Variants in USP34 observed in about 807,000 individuals in gnomAD.
USP34 encodes the protein ubiquitin specific peptidase 34.
Under a neutral mutation model 460.3 loss-of-function variants are expected in USP34, and 70 were observed. That is an observed-to-expected ratio of 0.15 (90% CI 0.13 to 0.19). The LOEUF (loss-of-function observed/expected upper bound fraction) is 0.19, where lower values mean the gene tolerates loss of function less well. Among genes scored for constraint, USP34 ranks in the 10% least tolerant of loss-of-function variants. The pLI is 1.00. For missense variants in USP34, 3,985 were observed against 4,236.2 expected (o/e 0.94, Z 1.65); for synonymous variants, 1,647 against 1,405.3 (o/e 1.17, Z -3.85).
chr2:61,381,874 C>G (rs1386948857), intron 6 of USP34, among the ~76,000 whole-genome samples: 3 of 152,158 alleles, frequency 2.0e-5, no homozygotes, highest in Non-Finnish European at 4.4e-5. Context: ...ACAGGCCTCT[C>G]AAAGTCTTGT....
intron 2 of USP34, among the ~76,000 whole-genome samples, chr2:61,418,025 G>A (rs1333677828): frequency 6.6e-6 from 1 of 151,146 alleles, no homozygotes; most frequent in Non-Finnish European, 1.5e-5. Context: ...ACAGGCATGA[G>A]CCATTACCCT....
chr2:61,295,798 C>CAAGAT (rs1690008406), intron 30 of USP34, among the ~76,000 whole-genome samples: 4 of 152,082 alleles, frequency 2.6e-5, no homozygotes, highest in African/African-American at 2.4e-5. Context: ...TTGAAGAGCC[C>CAAGAT]ATCTTCTTCA....
At chr2:61,257,025 A>T in intron 46 of USP34, 27 bp downstream of exon 46, 4 of 1,468,466 alleles carry the variant, frequency 2.7e-6, no homozygotes, top group Non-Finnish European at 3.6e-6. Context: ...AGATCTCCAA[A>T]AAGTAAAAAC....
intron 10 of USP34, among the ~76,000 whole-genome samples, chr2:61,359,066 A>G (rs1323393447): frequency 1.3e-5 from 2 of 152,226 alleles, no homozygotes; most frequent in Non-Finnish European, 2.9e-5. Context: ...TGCAATATCT[A>G]TTCTTTTTTA....
chr2:61,240,010 C>CAA (rs10552748), intron 53 of USP34, among the ~76,000 whole-genome samples: 57 of 104,856 alleles, frequency 5.4e-4, no homozygotes, highest in Non-Finnish European at 7.3e-4. Flanking sequence ...GACTCCTTCT[C>CAA]AAAAAAAAAA....
chr2:61,372,088 G>A (rs1280616915), intron 8 of USP34, among the ~76,000 whole-genome samples: 1 of 151,888 alleles, frequency 6.6e-6, no homozygotes, highest in Non-Finnish European at 1.5e-5. Context: ...AAAATAAATT[G>A]TATAATAAAA....
intron 10 of USP34, among the ~76,000 whole-genome samples, chr2:61,365,125 G>C (rs906943341): frequency 4.0e-5 from 6 of 151,594 alleles, no homozygotes; most frequent in Admixed American, 3.9e-4. Context: ...GGAGGTGCGC[G>C]CCTATAATCC....
intron 8 of USP34, among the ~76,000 whole-genome samples, chr2:61,372,203 A>G (rs1407088374): frequency 1.3e-5 from 2 of 152,132 alleles, no homozygotes; most frequent in East Asian, 3.8e-4. Context: ...CTATAATAGA[A>G]TTTTATGCTA....
intron 41 of USP34, among the ~76,000 whole-genome samples, chr2:61,275,496 T>C (rs1689346450): frequency 6.6e-6 from 1 of 151,964 alleles, no homozygotes; most frequent in Non-Finnish European, 1.5e-5. Context: ...TGATGGCGTA[T>C]GCCTATAATC....
At position 61,246,851 on chromosome 2, in the gene USP34, T is replaced by C. The variant is rs1009578532; in HGVS notation, c.6395-374A>G. On this transcript the variant is annotated intron_variant, in intron 49 of 79. Coordinates refer to ENST00000398571, the MANE Select transcript of USP34 (RefSeq NM_014709.4). ...ATATTTCTTTAATCTGACTAATCTT[T>C]TGAAATAGGTAATATAAAATGCTCC... Among the ~76,000 whole-genome samples the C allele has an allele frequency of 3.3e-4, 50 of 152,136 alleles. 1 individual carries two copies. Among genetic ancestry groups the C allele is most frequent in the Admixed American group, 3.2e-3 (49 of 15,276 alleles).
At chr2:61,234,829 G>C (rs963993797) in intron 57 of USP34, among the ~76,000 whole-genome samples, 1 of 151,950 alleles carries the variant, frequency 6.6e-6, no homozygotes, top group Non-Finnish European at 1.5e-5. Context: ...TAGAGATGTA[G>C]TTTTGCATGT....
At chr2:61,383,846 ATATAT>A (rs1312033863) in intron 5 of USP34, among the ~76,000 whole-genome samples, 1 of 152,162 alleles carries the variant, frequency 6.6e-6, no homozygotes, top group African/African-American at 2.4e-5. Context: ...AATTTAACCT[ATATAT>A]TATATATCTT....
chr2:61,319,151 A>G, intron 22 of USP34, 22 bp downstream of exon 22: 7 of 1,532,598 alleles, frequency 4.6e-6, no homozygotes, highest in Non-Finnish European at 6.1e-6. Context: ...AAATAATAAC[A>G]AACTGAGAGA....
intron 5 of USP34, among the ~76,000 whole-genome samples, chr2:61,390,507 T>C (rs559966395): frequency 1.3e-3 from 202 of 152,324 alleles, no homozygotes; most frequent in African/African-American, 4.6e-3. Context: ...TCTTTGTTGT[T>C]TTCTTGTGGG....
intron 47 of USP34, 87 bp downstream of exon 47, chr2:61,256,786 T>A (rs544495401): frequency 3.3e-5 from 34 of 1,029,072 alleles, no homozygotes; most frequent in Middle Eastern, 3.3e-4. Flanking sequence ...GAAAAAAGTT[T>A]AAAAATATCA....
intron 20 of USP34, among the ~76,000 whole-genome samples, chr2:61,330,283 G>A (rs1022433867): frequency 4.6e-5 from 7 of 152,010 alleles, no homozygotes; most frequent in Non-Finnish European, 1.0e-4. Flanking sequence ...CTGACACAAT[G>A]GTAAATATCA....
intron 41 of USP34, among the ~76,000 whole-genome samples, chr2:61,273,136 T>G (rs772562905): frequency 7.2e-5 from 11 of 152,116 alleles, no homozygotes; most frequent in Non-Finnish European, 1.5e-4. Flanking sequence ...ACAAAACTCC[T>G]AAGAATAAAC....
chr2:61,253,021 A>G (rs977193546), intron 48 of USP34, among the ~76,000 whole-genome samples: 15 of 152,212 alleles, frequency 9.9e-5, no homozygotes, highest in African/African-American at 3.6e-4. Context: ...TATTATGGTG[A>G]TTGATAAGTT....
At chr2:61,423,329 C>G (rs1329062636) in intron 1 of USP34, among the ~76,000 whole-genome samples, 1 of 152,092 alleles carries the variant, frequency 6.6e-6, no homozygotes, top group Admixed American at 6.6e-5. Context: ...CCAGGCTGCT[C>G]TCGAACTCCT....
Sources: gnomAD v4.1 joint callset for allele counts (sites outside exome capture counted in the v4.1 genomes callset) on GRCh38, gnomAD v4.1.1 for gene constraint, MANE v1.5 for transcripts, NCBI Gene and HGNC (gene_info 2026-07-23, HGNC 2026-07-21) for gene names.